Variants in CEMIP2 observed in about 807,000 individuals in gnomAD.
CEMIP2 encodes cell surface hyaluronidase CEMIP2.
A neutral mutation model predicts 146.9 loss-of-function variants in CEMIP2; 79 were observed. The observed-to-expected ratio is 0.54, with a 90% confidence interval of 0.45 to 0.65. The LOEUF is 0.65. Ranked by LOEUF, CEMIP2 falls within the 30% of genes least tolerant of loss-of-function variation. The pLI, the probability that CEMIP2 is intolerant of heterozygous loss-of-function variation, is 0.00. For synonymous variants in CEMIP2, 601 were observed against 606.3 expected (o/e 0.99, Z 0.13); for missense variants, 1,596 against 1,696.2 (o/e 0.94, Z 1.04).
At chr9:71,707,452 C>T (rs1164530634) in intron 17 of CEMIP2, among the ~76,000 whole-genome samples, 5 of 152,038 alleles carry the variant, frequency 3.3e-5, no homozygotes, top group Non-Finnish European at 5.9e-5. Flanking sequence ...TCCTCTTAAG[C>T]CCTTTGTTTA....
Position 71,685,080 on chromosome 9 carries a change from T to A in CEMIP2, c.*117A>T. On this transcript the variant is annotated 3_prime_UTR_variant, in exon 24 of 24. Coordinates refer to ENST00000377044, the MANE Select transcript of CEMIP2 (RefSeq NM_013390.3). ...TTTCAAACGCTTTCTTTTCTCCCCA[T>A]TCTGTATCAAACTGGAAAATGGTTC... 1.0e-6 allele frequency: 1 copy of A among 960,478 alleles called. No homozygotes were observed. Among genetic ancestry groups the A allele is most frequent in the Admixed American group, 2.9e-5 (1 of 33,996 alleles). 59.5% of individuals were successfully genotyped at this position (960,478 alleles called of 1,614,324 possible).
Position 71,734,892 on chromosome 9 carries a change from G to A in CEMIP2, c.1307C>T (p.Ala436Val). The A allele has an allele frequency of 6.2e-7, 1 of 1,613,884 alleles. No homozygotes were observed. The highest frequency in any genetic ancestry group is 1.1e-5 in the South Asian group (1 of 91,080). The change falls in exon 6 of 24, where the codon GCA (alanine) becomes GTA (valine). Residue 436 changes from alanine to valine, a missense_variant. Coordinates refer to ENST00000377044, the MANE Select transcript of CEMIP2 (RefSeq NM_013390.3). ...SWKPGDQIVV[A>V]STDYSMYQAE... ...TTGGTACATGGAATAGTCTGTGCTT[G>A]CGACCACAATCTGGTCTCCAGGTTT...
chr9:71,737,844 C>T (rs897367142), intron 5 of CEMIP2, among the ~76,000 whole-genome samples: 29 of 152,144 alleles, frequency 1.9e-4, no homozygotes, highest in African/African-American at 7.0e-4. Flanking sequence ...AGATTTTATA[C>T]AAATAATAAT....
Position 71,685,178 on chromosome 9 carries a change from C to G in CEMIP2, c.*19G>C. 1 of 1,563,264 alleles carries G rather than the reference C, an allele frequency of 6.4e-7. No individual in the cohort carries two copies. The highest frequency in any genetic ancestry group is 8.7e-7 in the Non-Finnish European group (1 of 1,152,172). On this transcript the variant is annotated 3_prime_UTR_variant, in exon 24 of 24. Coordinates refer to ENST00000377044, the MANE Select transcript of CEMIP2 (RefSeq NM_013390.3). The stretch of plus-strand genomic sequence containing the variant: ...AGTTCACATTTTTTTTCCCCCAGCA[C>G]TTAAGTTACAGTTAGTCTCTAATGT...
chr9:71,690,745 A>T lies in CEMIP2; in HGVS notation c.3697-499T>A, dbSNP rs564950946. On this transcript the variant is annotated intron_variant, in intron 21 of 23. Transcript: ENST00000377044. ...ATATTTGTAGTTTGCTACAAATAAT[A>T]GCTCTCCTCTGAGATCAAAATGACA... Among the ~76,000 whole-genome samples the T allele has an allele frequency of 1.5e-3, 228 of 152,362 alleles. 1 individual carries two copies. Among genetic ancestry groups the T allele is most frequent in the African/African-American group, 5.4e-3 (223 of 41,586 alleles).
intron 17 of CEMIP2, 51 bp from the exon 18 acceptor site, chr9:71,704,854 C>G: frequency 1.3e-6 from 2 of 1,554,190 alleles, no homozygotes; most frequent in Non-Finnish European, 1.8e-6. Flanking sequence ...ATTTAAACAG[C>G]TAAAAAGACA....
chr9:71,708,837 T>C (rs1195148524), intron 17 of CEMIP2, among the ~76,000 whole-genome samples: 4 of 152,192 alleles, frequency 2.6e-5, no homozygotes, highest in Non-Finnish European at 5.9e-5. Flanking sequence ...TATTGATATT[T>C]TGCCTCAAAA....
intron 11 of CEMIP2, among the ~76,000 whole-genome samples, chr9:71,724,207 T>G (rs1180454312): frequency 6.6e-6 from 1 of 151,862 alleles, no homozygotes; most frequent in Non-Finnish European, 1.5e-5. Flanking sequence ...AGGCAGAGAA[T>G]TGCCTGAACC....
intron 5 of CEMIP2, among the ~76,000 whole-genome samples, chr9:71,739,447 A>T (rs1238933036): frequency 6.7e-6 from 1 of 149,638 alleles, no homozygotes; most frequent in Non-Finnish European, 1.5e-5. Flanking sequence ...CTCCACTTAC[A>T]GGACAAAATT....
intron 12 of CEMIP2, 103 bp downstream of exon 12, chr9:71,722,324 T>C (rs1202072968): frequency 1.0e-5 from 9 of 888,794 alleles, no homozygotes; most frequent in Non-Finnish European, 1.5e-5. Context: ...TCTAAAACTT[T>C]ATTTTAAATG....
In CEMIP2 at chr9:71,745,508, G is replaced by A; in HGVS notation, c.544C>T (p.Gln182Ter). 1 of 1,613,756 alleles carries A rather than the reference G, an allele frequency of 6.2e-7. No individual in the cohort carries two copies. The highest frequency in any genetic ancestry group is 8.5e-7 in the Non-Finnish European group (1 of 1,179,992). ...ITLRTHYILI[Q>*]DGGALHIGAE... is the part of the protein sequence containing the mutation. ...CCAATATGAAGCGCCCCACCATCCT[G>A]GATCAGGATGTAATGAGTCCTCAAA... is the stretch of plus-strand genomic sequence containing the variant. The change falls in exon 4 of 24, where the codon CAG becomes TAG. Residue 182 changes from glutamine to a stop codon, truncating the protein, a stop_gained. Coordinates refer to ENST00000377044, the MANE Select transcript of CEMIP2 (RefSeq NM_013390.3). LOFTEE classifies it high-confidence loss of function.
chr9:71,725,910 T>G (rs1823370621), intron 10 of CEMIP2, among the ~76,000 whole-genome samples: 1 of 152,210 alleles, frequency 6.6e-6, no homozygotes, highest in Admixed American at 6.5e-5. Context: ...AAAGCAAATT[T>G]AATTTTGCTT....
At chr9:71,748,133 G>C (rs1824140681) in intron 2 of CEMIP2, among the ~76,000 whole-genome samples, 1 of 152,116 alleles carries the variant, frequency 6.6e-6, no homozygotes, top group Admixed American at 6.5e-5. Flanking sequence ...CCAGTCTTTT[G>C]AGATCTGGAG....
At chr9:71,763,566 C>A (rs375227181) in intron 1 of CEMIP2, among the ~76,000 whole-genome samples, 4 of 152,184 alleles carry the variant, frequency 2.6e-5, no homozygotes, top group African/African-American at 9.7e-5. Flanking sequence ...CTCTACCAGG[C>A]AAACTTTTCA....
chr9:71,769,436 G>A (rs1385431720), upstream of CEMIP2, among the ~76,000 whole-genome samples: 1 of 152,244 alleles, frequency 6.6e-6, no homozygotes, highest in East Asian at 1.9e-4. Context: ...TGGGACACAG[G>A]GCAGCTCTTC....
chr9:71,734,929 C>T lies in CEMIP2; in HGVS notation c.1270G>A (p.Val424Ile), dbSNP rs1487919660. The T allele has an allele frequency of 4.3e-6, 7 of 1,613,454 alleles. No individual in the cohort carries two copies. In the South Asian group the frequency reaches 7.7e-5, roughly 18 times the overall value. ...DGVKLNLLDD[V>I]SSWKPGDQIV... Reference sequence around the variant, plus strand: ...TGGTCTCCAGGTTTCCAACTACTAACATCATCTAGCAAATTTAGCTTCACT... The same window carrying T: ...TGGTCTCCAGGTTTCCAACTACTAATATCATCTAGCAAATTTAGCTTCACT... The change falls in exon 6 of 24, where the codon GTT becomes ATT. Residue 424 changes from valine (V) to isoleucine (I), a missense_variant. Val to Ile is a conservative substitution (Grantham distance 29). Transcript: ENST00000377044.
In CEMIP2 at chr9:71,717,991, C is replaced by T. The variant is rs1404896530; in HGVS notation, c.2356G>A (p.Gly786Arg). ...RLIAFKNNDN[G>R]AWVRGGDIIV... ...ATATCTCCTCCTCTGACCCAAGCTC[C>T]ATTATCATTATTTTTAAAAGCAATG... Residue 786 changes from glycine (G) to arginine (R), a missense_variant, in exon 13 of 24, where the codon GGA becomes AGA. Transcript: ENST00000377044. 1 of 1,612,536 alleles carries T rather than the reference C, an allele frequency of 6.2e-7. No individual in the cohort carries two copies. The highest frequency in any genetic ancestry group is 1.3e-5 in the African/African-American group (1 of 74,872).
In CEMIP2 at chr9:71,746,285, C is replaced by T. The variant is rs151170648; in HGVS notation, c.388G>A (p.Ala130Thr). ...CCCTCCTTGATAACAACTTGCTTTG[C>T]AGAATCTTGTCCTGGATCCCAATTC... ...LRNWDPGQDS[A>T]KQVVIKEGDM... The change falls in exon 3 of 24, where the codon GCA becomes ACA. Residue 130 changes from alanine (A) to threonine (T), a missense_variant. Coordinates refer to ENST00000377044, the MANE Select transcript of CEMIP2 (RefSeq NM_013390.3). 2.1e-5 allele frequency: 34 copies of T among 1,613,986 alleles called. No homozygotes were observed. Among genetic ancestry groups the T allele is most frequent in the Non-Finnish European group, 2.6e-5 (31 of 1,179,900 alleles).
chr9:71,762,981 T>G (rs1378913568), intron 1 of CEMIP2, among the ~76,000 whole-genome samples: 1 of 151,774 alleles, frequency 6.6e-6, no homozygotes, highest in Non-Finnish European at 1.5e-5. Context: ...ACCAATGCAC[T>G]CCATCCTGGG....
Sources: gnomAD v4.1 joint callset for allele counts (sites outside exome capture counted in the v4.1 genomes callset) on GRCh38, gnomAD v4.1.1 for gene constraint, MANE v1.5 for transcripts, NCBI Gene and HGNC (gene_info 2026-07-23, HGNC 2026-07-21) for gene names.